Variants in HTR5A observed in about 807,000 individuals in gnomAD.
The protein encoded by HTR5A is 5-hydroxytryptamine receptor 5A, also known as 5-HT-5.
HTR5A carries 21 observed loss-of-function variants against 24.3 expected under a neutral mutation model. The ratio of observed to expected loss-of-function variants is 0.86; its 90% CI spans 0.61 to 1.24. The LOEUF (loss-of-function observed/expected upper bound fraction) is 1.24. HTR5A is among the 50% of genes most tolerant of loss of function. The pLI is 0.00. For synonymous variants in HTR5A, 260 were observed against 213.7 expected (o/e 1.22, Z -1.89); for missense variants, 497 against 489.5 (o/e 1.02, Z -0.15).
At chr7:155,076,768 T>C (rs139793127) in intron 1 of HTR5A, among the ~76,000 whole-genome samples, 85 of 152,312 alleles carry the variant, frequency 5.6e-4, no homozygotes, top group African/African-American at 1.9e-3. Flanking sequence ...CTGTTAGCAA[T>C]TGGGGCTTAT....
chr7:155,085,606 A>G lies in HTR5A; in HGVS notation c.*1119A>G, dbSNP rs1010227022. 1 of 152,168 alleles carries G rather than the reference A, an allele frequency of 6.6e-6. No individual in the cohort carries two copies. Among genetic ancestry groups the G allele is most frequent in the African/African-American group, 2.4e-5 (1 of 41,434 alleles). 9.4% of individuals were successfully genotyped at this position (152,168 alleles called of 1,614,324 possible). ...ATTTATGAGGTGAGGCAGTTAAGTG[A>G]TGATGCAGCATTTGGATGATCATGT... On this transcript the variant is annotated 3_prime_UTR_variant, in exon 2 of 2. Transcript: ENST00000287907.
chr7:155,073,897 A>ATATGTATATATATACG (rs1795330208), intron 1 of HTR5A, among the ~76,000 whole-genome samples: 1 of 19,804 alleles, frequency 5.0e-5, no homozygotes, highest in African/African-American at 6.0e-5. Context: ...ATGTATATAT[A>ATATGTATATATATACG]TATATATATA....
intron 1 of HTR5A, among the ~76,000 whole-genome samples, chr7:155,079,494 A>C (rs6597454): frequency 0.34 from 50,978 of 151,916 alleles, 8,666 homozygotes; most frequent in East Asian, 0.38. Flanking sequence ...TCTTTTAAGG[A>C]CTCAAAATAC....
intron 1 of HTR5A, among the ~76,000 whole-genome samples, chr7:155,079,824 G>C (rs762767172): frequency 6.6e-6 from 1 of 152,234 alleles, no homozygotes; most frequent in Middle Eastern, 3.4e-3. Flanking sequence ...ATGGAGAAGG[G>C]GACACATGAT....
Position 155,084,141 on chromosome 7 carries a change from C to CG in HTR5A, c.742-14_742-13insG. ...GAGGTGGCTCCTCATAAAGCTCCTG[C>CG]TTGTCTTTTACAGGTGAAGGACTCT... On this transcript the variant is annotated splice_polypyrimidine_tract_variant and intron_variant, in intron 1 of 1. Transcript: ENST00000287907. The CG allele has an allele frequency of 6.4e-7, 1 of 1,574,336 alleles. No individual in the cohort carries two copies. Among genetic ancestry groups the CG allele is most frequent in the Non-Finnish European group, 8.6e-7 (1 of 1,159,842 alleles).
chr7:155,084,069 C>A (rs139001841), intron 1 of HTR5A, 86 bp from the exon 2 acceptor site: 2 of 1,093,980 alleles, frequency 1.8e-6, no homozygotes, highest in Non-Finnish European at 2.6e-6. Flanking sequence ...AGTGGATGTG[C>A]GGAATCCAGG....
chr7:155,082,410 G>A (rs946715044), intron 1 of HTR5A, among the ~76,000 whole-genome samples: 2 of 152,178 alleles, frequency 1.3e-5, no homozygotes, highest in Non-Finnish European at 1.5e-5. Context: ...AGCATCCCCA[G>A]TGTGAACAGC....
chr7:155,072,888 G>A (rs1795312632), intron 1 of HTR5A, among the ~76,000 whole-genome samples: 1 of 152,160 alleles, frequency 6.6e-6, no homozygotes, highest in African/African-American at 2.4e-5. Context: ...GGAAAAAGGG[G>A]AGAGGGCATC....
rs551963792 is a variant in HTR5A at position 155,082,087 on chromosome 7, C to T, written c.742-2068C>T. Among the ~76,000 whole-genome samples the T allele has an allele frequency of 2.0e-3, 310 of 152,164 alleles. 2 individuals are homozygous for T. Among genetic ancestry groups the T allele is most frequent in the African/African-American group, 6.9e-3 (284 of 41,422 alleles). On this transcript the variant is annotated intron_variant, in intron 1 of 1. Transcript: ENST00000287907. ...TGACCAGCATCTCCAGTATAATCAG[C>T]ATCCGTGGTGTCTCCAGTGGGACCA... is the stretch of plus-strand genomic sequence containing the variant.
In HTR5A at chr7:155,083,935, A is replaced by T. The variant is rs111295851; in HGVS notation, c.742-220A>T. Among the ~76,000 whole-genome samples the T allele has an allele frequency of 2.0e-5, 3 of 152,150 alleles. No homozygotes were observed. In the East Asian group the frequency reaches 5.8e-4, roughly 29 times the overall value. On this transcript the variant is annotated intron_variant, in intron 1 of 1. Coordinates refer to ENST00000287907, the MANE Select transcript of HTR5A (RefSeq NM_024012.4). ...ATCTTCATGATGTCAATTTCATCAC[A>T]TCTGGTCCTTTCATTTCTAAGAGGT...
rs376955221 is a variant in HTR5A at position 155,071,256 on chromosome 7, G to T, written c.357G>T (p.Ala119=). 3.7e-6 allele frequency: 6 copies of T among 1,605,756 alleles called. No homozygotes were observed. In the South Asian group the frequency reaches 5.5e-5, roughly 15 times the overall value. Residue 119 remains alanine, a synonymous_variant, in exon 1 of 2, where the codon GCG becomes GCT. Transcript: ENST00000287907. ...LGRRLCQLWI[A]CDVLCCTASI... is the part of the protein sequence containing the mutation. ...GGAGGCTGTGCCAGCTTTGGATCGC[G>T]TGCGACGTGCTTTGCTGCACGGCCA... is the stretch of plus-strand genomic sequence containing the variant.
intron 1 of HTR5A, among the ~76,000 whole-genome samples, chr7:155,073,895 A>G (rs1417647700): frequency 6.0e-5 from 1 of 16,702 alleles, no homozygotes; most frequent in Non-Finnish European, 1.3e-3. Context: ...ATATGTATAT[A>G]TATATATATA....
chr7:155,083,346 C>T (rs1465134526), intron 1 of HTR5A, among the ~76,000 whole-genome samples: 5 of 152,212 alleles, frequency 3.3e-5, no homozygotes, highest in South Asian at 2.1e-4. Context: ...AATTAATTTG[C>T]TAATTCAGTA....
rs760851958 is a variant in HTR5A at position 155,086,715 on chromosome 7, T to C, written c.*2228T>C. On this transcript the variant is annotated 3_prime_UTR_variant, in exon 2 of 2. Coordinates refer to ENST00000287907, the MANE Select transcript of HTR5A (RefSeq NM_024012.4). ...ATGAATTATTTTGCTTCCATTTCAA[T>C]AGTAAAAGTTGTTTATACCCTGGTA... is the stretch of plus-strand genomic sequence containing the variant. Among the ~76,000 whole-genome samples, 2 of 152,218 alleles carry C rather than the reference T, an allele frequency of 1.3e-5. No homozygotes were observed. The highest frequency in any genetic ancestry group is 2.4e-5 in the African/African-American group (1 of 41,460).
chr7:155,075,208 T>C (rs1345071641), intron 1 of HTR5A, among the ~76,000 whole-genome samples: 1 of 152,258 alleles, frequency 6.6e-6, no homozygotes, highest in African/African-American at 2.4e-5. Flanking sequence ...TCTGTCTGTG[T>C]TGGTCCTCAT....
intron 1 of HTR5A, among the ~76,000 whole-genome samples, chr7:155,072,834 C>T (rs1001424671): frequency 2.0e-5 from 3 of 152,118 alleles, no homozygotes; most frequent in African/African-American, 7.2e-5. Context: ...TAACTCTAAC[C>T]ATCCCCAGTC....
At chr7:155,077,789 G>A (rs1214002371) in intron 1 of HTR5A, among the ~76,000 whole-genome samples, 1 of 151,910 alleles carries the variant, frequency 6.6e-6, no homozygotes, top group Non-Finnish European at 1.5e-5. Context: ...TGAATTTTTT[G>A]TTTGTTTTTA....
chr7:155,084,515 T>G lies in HTR5A; in HGVS notation c.*28T>G. On this transcript the variant is annotated 3_prime_UTR_variant, in exon 2 of 2. Coordinates refer to ENST00000287907, the MANE Select transcript of HTR5A (RefSeq NM_024012.4). ...GAGAGGACCAGGATTGAAAAAAGTT[T>G]CTTCCCATAATTCAGTGGAATTCCC... is the stretch of plus-strand genomic sequence containing the variant. The G allele has an allele frequency of 6.5e-7, 1 of 1,548,376 alleles. No individual in the cohort carries two copies.
chr7:155,084,081 C>A, intron 1 of HTR5A, 74 bp from the exon 2 acceptor site: 1 of 1,233,832 alleles, frequency 8.1e-7, no homozygotes, highest in Non-Finnish European at 1.1e-6. Context: ...GAATCCAGGC[C>A]TGTCAGTGTC....
Sources: allele counts gnomAD v4.1 joint callset (sites outside exome capture counted in the v4.1 genomes callset), GRCh38; gene constraint gnomAD v4.1.1; transcripts MANE v1.5; gene names NCBI Gene and HGNC (gene_info 2026-07-23, HGNC 2026-07-21).